TNC: variants seen among roughly 807,000 people sequenced by gnomAD.
The protein encoded by TNC is tenascin.
Under a neutral mutation model 202.4 loss-of-function variants are expected in TNC, and 109 were observed. That is an observed-to-expected ratio of 0.54 (90% CI 0.46 to 0.63). The LOEUF is 0.63. Ranked by LOEUF, TNC falls within the 30% of genes least tolerant of loss-of-function variation. The pLI, the probability that TNC is intolerant of heterozygous loss-of-function variation, is 0.00. For synonymous variants in TNC, 1,007 were observed against 1,089.7 expected, an observed-to-expected ratio of 0.92 and a Z score of 1.50; for missense variants, 2,756 against 2,833.3, an observed-to-expected ratio of 0.97 and a Z score of 0.62.
At chr9:115,083,859 C>T (rs1403007089) in intron 4 of TNC, among the ~76,000 whole-genome samples, 1 of 152,178 alleles carries the variant, frequency 6.6e-6, no homozygotes, top group Admixed American at 6.5e-5. Context: ...CCTACTTTGG[C>T]CTCCCAAAGT....
At chr9:115,067,737 T>A (rs1044117518) in intron 10 of TNC, among the ~76,000 whole-genome samples, 3 of 152,170 alleles carry the variant, frequency 2.0e-5, no homozygotes, top group African/African-American at 7.2e-5. Flanking sequence ...ATATAGTTGA[T>A]AGAGTGATTT....
At chr9:115,026,941 T>C (rs2131565998) in intron 25 of TNC, among the ~76,000 whole-genome samples, 1 of 151,980 alleles carries the variant, frequency 6.6e-6, no homozygotes, top group Non-Finnish European at 1.5e-5. Context: ...AAACCCTGTC[T>C]CTACTAAAAA....
At chr9:115,082,563 T>A (rs1334312543) in intron 5 of TNC, 129 bp downstream of exon 5, 1 of 631,168 alleles carries the variant, frequency 1.6e-6, no homozygotes, top group South Asian at 2.0e-5. Context: ...CAAACACAAA[T>A]GATGCTAATG....
chr9:115,073,965 G>C, intron 9 of TNC, 99 bp from the exon 10 acceptor site: 2 of 1,284,414 alleles, frequency 1.6e-6, no homozygotes, highest in Non-Finnish European at 2.1e-6. Flanking sequence ...TCCTAGGTCT[G>C]CCACAGAGGA....
In TNC at chr9:115,048,437, A is replaced by G. The variant is rs774491257; in HGVS notation, c.4675T>C (p.Phe1559Leu). 1 of 1,613,964 alleles carries G rather than the reference A, an allele frequency of 6.2e-7. No homozygotes were observed. Among genetic ancestry groups the G allele is most frequent in the East Asian group, 2.2e-5 (1 of 44,896 alleles). The change falls in exon 16 of 28, where the codon TTT becomes CTT. Residue 1559 changes from phenylalanine (F) to leucine (L), a missense_variant. This residue lies in a region of TNC where 2,559 missense variants were observed against 2,546.0 expected (regional missense o/e 1.01). Coordinates refer to ENST00000350763, the MANE Select transcript of TNC (RefSeq NM_002160.4). ...WMASENAFDS[F>L]LVTVVDSGKL... The stretch of plus-strand genomic sequence containing the variant: ...CCAGAATCCACCACCGTTACTAGAA[A>G]GCTGTCAAAGGCATTCTCCGATGCC...
intron 1 of TNC, chr9:115,114,866 G>A (rs1365011700): frequency 1.3e-5 from 2 of 152,220 alleles, no homozygotes; most frequent in East Asian, 3.9e-4. Flanking sequence ...ATAATTTGTA[G>A]TGTCTGAGTG....
chr9:115,040,620 G>T (rs1038256471), intron 19 of TNC, among the ~76,000 whole-genome samples: 1 of 152,194 alleles, frequency 6.6e-6, no homozygotes, highest in African/African-American at 2.4e-5. Context: ...GATAGCTCAT[G>T]TAGTTGGTAG....
Position 115,071,632 on chromosome 9 carries a change from G to A in TNC, c.3214+1971C>T, listed in dbSNP as rs569482461. Among the ~76,000 whole-genome samples, 7 of 152,192 alleles carry A rather than the reference G, an allele frequency of 4.6e-5. No homozygotes were observed. The East Asian group carries it at 5.8e-4, about 13-fold the overall frequency. ...TCACCAGAAGGTGGAATGATTGAGG[G>A]GCAATAGGAATCTCTCTTAGATACA... On this transcript the variant is annotated intron_variant, in intron 10 of 27. Transcript: ENST00000350763.
chr9:115,106,996 G>A (rs1477051879), intron 1 of TNC, among the ~76,000 whole-genome samples: 2 of 152,060 alleles, frequency 1.3e-5, no homozygotes, highest in Non-Finnish European at 2.9e-5. Context: ...TCATACAAAT[G>A]AATAACTTTT....
intron 10 of TNC, 79 bp downstream of exon 10, chr9:115,073,524 T>C: frequency 1.3e-6 from 2 of 1,533,342 alleles, no homozygotes; most frequent in Admixed American, 1.9e-5. Context: ...GGCTTTCTCA[T>C]GTGAGGACAC....
intron 7 of TNC, among the ~76,000 whole-genome samples, chr9:115,077,122 C>T (rs547140077): frequency 1.6e-4 from 25 of 152,232 alleles, no homozygotes; most frequent in East Asian, 5.8e-4. Flanking sequence ...TGCAGTGGTG[C>T]GATCTCGGCT....
chr9:115,057,269 C>G lies in TNC; in HGVS notation c.4463G>C (p.Gly1488Ala), dbSNP rs1179994734. ...LLETVEYNIS[G>A]AERTAHISGL... ...TGAGATATGGGCAGTTCGTTCAGCA[C>G]CAGAGATATTATATTCCACAGTCTC... Residue 1488 changes from glycine to alanine, a missense_variant, in exon 15 of 28, where the codon GGT (glycine) becomes GCT (alanine). Transcript: ENST00000350763. 6.2e-7 allele frequency: 1 copy of G among 1,613,964 alleles called. No individual in the cohort carries two copies. The highest frequency in any genetic ancestry group is 1.3e-5 in the African/African-American group (1 of 74,870).
Position 115,057,302 on chromosome 9 carries a change from C to T in TNC, c.4430G>A (p.Arg1477Lys). Residue 1477 changes from arginine (R) to lysine (K), a missense_variant, in exon 15 of 28, where the codon AGG becomes AAG. By Grantham distance (26) the Arg-to-Lys change is conservative. This residue lies in a region of TNC where 2,559 missense variants were observed against 2,546.0 expected (regional missense o/e 1.01). Transcript: ENST00000350763. Reference sequence around the variant, plus strand: ...ATTATATTCCACAGTCTCCAGCAACCTATTGGAATCAATAATTTCAATGGT... The same window carrying T: ...ATTATATTCCACAGTCTCCAGCAACTTATTGGAATCAATAATTTCAATGGT... Reference protein sequence around the residue: ...TFTIEIIDSNRLLETVEYNIS... With the variant: ...TFTIEIIDSNKLLETVEYNIS... The T allele has an allele frequency of 6.2e-7, 1 of 1,614,190 alleles. No individual in the cohort carries two copies. The highest frequency in any genetic ancestry group is 8.5e-7 in the Non-Finnish European group (1 of 1,180,036).
At chr9:115,092,996 T>G (rs967587865) in intron 1 of TNC, among the ~76,000 whole-genome samples, 2 of 152,234 alleles carry the variant, frequency 1.3e-5, no homozygotes, top group African/African-American at 4.8e-5. Flanking sequence ...TGGTGGTGCT[T>G]GGATTATTCA....
At chr9:115,100,321 T>C (rs1055194624) in intron 1 of TNC, among the ~76,000 whole-genome samples, 2 of 152,176 alleles carry the variant, frequency 1.3e-5, no homozygotes, top group Non-Finnish European at 2.9e-5. Context: ...TTCATTCTAG[T>C]GCATGGGGCA....
chr9:115,057,416 G>T lies in TNC; in HGVS notation c.4316C>A (p.Pro1439His). The change falls in exon 15 of 28, where the codon CCT (proline) becomes CAT (histidine). Residue 1439 changes from proline to histidine, a missense_variant. Pro to His is a moderately conservative substitution (Grantham distance 77, BLOSUM62 -2). Coordinates refer to ENST00000350763, the MANE Select transcript of TNC (RefSeq NM_002160.4). ...AGAAACATTTAAGTTTCCAATTTCA[G>T]GTTCTTTGGCTGTAAAAGGAAGGGG... ...LSAEASTAKE[P>H]EIGNLNVSDI... 1.2e-6 allele frequency: 2 copies of T among 1,607,738 alleles called. No homozygotes were observed. Among genetic ancestry groups the T allele is most frequent in the Non-Finnish European group, 1.7e-6 (2 of 1,178,624 alleles).
chr9:115,109,031 C>T (rs1311868019), intron 1 of TNC, among the ~76,000 whole-genome samples: 4 of 152,210 alleles, frequency 2.6e-5, no homozygotes, highest in Middle Eastern at 3.2e-3. Flanking sequence ...GTATCACCAG[C>T]CCTAAAACTA....
intron 22 of TNC, among the ~76,000 whole-genome samples, chr9:115,032,989 A>G (rs1830060417): frequency 6.6e-6 from 1 of 152,192 alleles, no homozygotes; most frequent in Non-Finnish European, 1.5e-5. Flanking sequence ...ACAACCTGCA[A>G]ACAGCCAGCT....
intron 3 of TNC, 93 bp from the exon 4 acceptor site, chr9:115,084,565 C>G (rs1374931188): frequency 6.8e-7 from 1 of 1,462,776 alleles, no homozygotes; most frequent in Non-Finnish European, 9.2e-7. Context: ...CTGTCAGCCA[C>G]AGAGGTCTGA....
Sources: allele counts gnomAD v4.1 joint callset (sites outside exome capture counted in the v4.1 genomes callset), GRCh38; gene constraint gnomAD v4.1.1; regional missense constraint gnomAD v4.1.1; transcripts MANE v1.5; gene names NCBI Gene and HGNC (gene_info 2026-07-23, HGNC 2026-07-21).